Variants in MAPRE2 observed in about 807,000 individuals in gnomAD.
MAPRE2 encodes the protein microtubule associated protein RP/EB family member 2.
In MAPRE2, 13 loss-of-function variants were observed where a neutral mutation model predicts 43.2. The ratio of observed to expected loss-of-function variants is 0.30; its 90% CI spans 0.20 to 0.48. MAPRE2 has a LOEUF of 0.48. Among genes scored for constraint, MAPRE2 ranks in the 20% least tolerant of loss-of-function variants. The pLI is 0.99. For synonymous variants in MAPRE2, 135 were observed against 148.8 expected (o/e 0.91, Z 0.68); for missense variants, 161 against 400.2 (o/e 0.40, Z 5.10).
At chr18:35,105,338 G>T (rs1908854927) in intron 4 of MAPRE2, among the ~76,000 whole-genome samples, 1 of 152,026 alleles carries the variant, frequency 6.6e-6, no homozygotes, top group African/African-American at 2.4e-5. Flanking sequence ...AGGGAGAAAT[G>T]ATATTTTCAG....
chr18:35,038,590 C>A (rs1268533296), upstream of MAPRE2, among the ~76,000 whole-genome samples: 1 of 152,180 alleles, frequency 6.6e-6, no homozygotes, highest in African/African-American at 2.4e-5. Flanking sequence ...TTCATCCATT[C>A]TTTCTACCCT....
At chr18:34,986,814 T>G (rs887611868) in intron 1 of MAPRE2, among the ~76,000 whole-genome samples, 2 of 152,232 alleles carry the variant, frequency 1.3e-5, no homozygotes, top group African/African-American at 2.4e-5. Context: ...AAATTTGATT[T>G]TAGATAAGAT....
intron 1 of MAPRE2, among the ~76,000 whole-genome samples, chr18:35,052,629 G>T (rs572097725): frequency 1.3e-5 from 2 of 152,292 alleles, no homozygotes; most frequent in Admixed American, 6.5e-5. Context: ...TTGAGAAACT[G>T]TTTGGCAAAC....
At chr18:35,093,568 C>T (rs185775180) in intron 2 of MAPRE2, among the ~76,000 whole-genome samples, 6 of 152,170 alleles carry the variant, frequency 3.9e-5, no homozygotes, top group Admixed American at 6.5e-5. Flanking sequence ...AAATACACAA[C>T]GAAATACTGT....
chr18:35,073,231 T>C (rs997562666), intron 2 of MAPRE2, among the ~76,000 whole-genome samples: 2 of 152,214 alleles, frequency 1.3e-5, no homozygotes, highest in Non-Finnish European at 2.9e-5. Context: ...GTTTCCTTGT[T>C]CATAATTTAA....
intron 2 of MAPRE2, among the ~76,000 whole-genome samples, chr18:35,028,460 A>T (rs2097046351): frequency 6.6e-6 from 1 of 152,162 alleles, no homozygotes; most frequent in South Asian, 2.1e-4. Flanking sequence ...TATAATGTAT[A>T]CTATATTTTC....
intron 3 of MAPRE2, among the ~76,000 whole-genome samples, chr18:35,100,552 T>C (rs1908627440): frequency 6.6e-6 from 1 of 152,104 alleles, no homozygotes; most frequent in Non-Finnish European, 1.5e-5. Flanking sequence ...AGCAAAGACA[T>C]GGAATCAACC....
chr18:35,051,971 A>G lies in MAPRE2; in HGVS notation c.122+10310A>G, dbSNP rs373064900. ...TAAAAATCTATAATCTTTTTGTTCT[A>G]AGTACCCTGTACAATACTTTGCACA... On this transcript the variant is annotated intron_variant, in intron 1 of 6. Coordinates refer to ENST00000300249, the MANE Select transcript of MAPRE2 (RefSeq NM_014268.4). Among the ~76,000 whole-genome samples, 10 of 152,298 alleles carry G rather than the reference A, an allele frequency of 6.6e-5. No individual in the cohort carries two copies. The South Asian group carries it at 8.3e-4, about 13-fold the overall frequency.
At chr18:35,069,569 ACC>A (rs1907007001) in intron 1 of MAPRE2, among the ~76,000 whole-genome samples, 1 of 152,100 alleles carries the variant, frequency 6.6e-6, no homozygotes, top group African/African-American at 2.4e-5. Flanking sequence ...CAAGGGGTAA[ACC>A]TAACTGGTTT....
intron 2 of MAPRE2, among the ~76,000 whole-genome samples, chr18:35,085,876 C>T (rs1907851729): frequency 6.6e-6 from 1 of 152,168 alleles, no homozygotes; most frequent in Non-Finnish European, 1.5e-5. Context: ...ATCCAAAGGC[C>T]AACATAGTTT....
chr18:34,981,889 T>TTA (rs1555909265), intron 1 of MAPRE2, among the ~76,000 whole-genome samples: 2,086 of 79,436 alleles, frequency 0.026, 44 homozygotes, highest in African/African-American at 0.055. Context: ...TTTTATTTAT[T>TTA]TTTTTTTTTT....
At chr18:34,981,890 T>TTA (rs10630893) in intron 1 of MAPRE2, among the ~76,000 whole-genome samples, 85,798 of 140,058 alleles carry the variant, frequency 0.61, 26,527 homozygotes, top group East Asian at 0.69. Flanking sequence ...TTTATTTATT[T>TTA]TTTTTTTTTT....
At chr18:35,128,123 T>C (rs138167962) in intron 5 of MAPRE2, among the ~76,000 whole-genome samples, 4 of 152,336 alleles carry the variant, frequency 2.6e-5, no homozygotes, top group African/African-American at 9.6e-5. Flanking sequence ...AGAATCTAGT[T>C]TAATGGAGGC....
At position 34,985,763 on chromosome 18, in the gene MAPRE2, T is replaced by C. The variant is rs7236689; in HGVS notation, c.-70+8684T>C. Among the ~76,000 whole-genome samples the C allele has an allele frequency of 9.4e-3, 1,273 of 136,018 alleles. 19 individuals carry two copies. Among genetic ancestry groups the C allele is most frequent in the African/African-American group, 0.033 (1,203 of 36,328 alleles). The allele number at this position is 136,018 out of a possible 152,430, so 89.2% of individuals were successfully genotyped here. A position where few individuals can be genotyped will look rare whatever the true frequency, so the allele number is the denominator to read the frequency against. On this transcript the variant is annotated intron_variant, in intron 1 of 7. Coordinates refer to the MAPRE2 transcript ENST00000413393. ...TATATTATATATGTAATATATAAAA[T>C]ATATTACATATTTGTTTAATACCTT...
chr18:35,117,847 A>G (rs970099338), intron 4 of MAPRE2, among the ~76,000 whole-genome samples: 1 of 152,172 alleles, frequency 6.6e-6, no homozygotes, highest in Non-Finnish European at 1.5e-5. Flanking sequence ...AAAAGTCAGT[A>G]GTTTATTGAA....
intron 2 of MAPRE2, among the ~76,000 whole-genome samples, chr18:35,093,639 G>A (rs1272742232): frequency 1.3e-5 from 2 of 152,178 alleles, no homozygotes; most frequent in Non-Finnish European, 2.9e-5. Flanking sequence ...CGTGGAGGAC[G>A]TTATGTTCGG....
intron 2 of MAPRE2, among the ~76,000 whole-genome samples, chr18:35,087,731 G>C (rs1038136286): frequency 6.6e-6 from 1 of 152,134 alleles, no homozygotes; most frequent in Non-Finnish European, 1.5e-5. Context: ...TAAGGCACAA[G>C]TATTCTTGAA....
intron 2 of MAPRE2, among the ~76,000 whole-genome samples, chr18:35,019,618 T>C (rs1363932036): frequency 1.3e-5 from 2 of 152,080 alleles, no homozygotes; most frequent in East Asian, 3.9e-4. Flanking sequence ...CTACAGTACA[T>C]ATTCATGATT....
intron 2 of MAPRE2, among the ~76,000 whole-genome samples, chr18:35,071,040 CCTT>C (rs1483268607): frequency 1.3e-5 from 2 of 152,192 alleles, no homozygotes; most frequent in South Asian, 2.1e-4. Flanking sequence ...ATGTCTAACT[CCTT>C]CTAGCCCTGA....
Sources: allele counts gnomAD v4.1 joint callset (sites outside exome capture counted in the v4.1 genomes callset), GRCh38; gene constraint gnomAD v4.1.1; transcripts MANE v1.5; gene names NCBI Gene and HGNC (gene_info 2026-07-23, HGNC 2026-07-21).